PDE4B: variants seen among roughly 807,000 people sequenced by gnomAD.
PDE4B encodes the protein 3',5'-cyclic-AMP phosphodiesterase 4B.
In PDE4B, 20 loss-of-function variants were observed where a neutral mutation model predicts 82.2. The observed-to-expected ratio is 0.24, with a 90% confidence interval of 0.17 to 0.35. The LOEUF is 0.35. Ranked by LOEUF, PDE4B falls within the 10% of genes least tolerant of loss-of-function variation. The pLI, the probability that PDE4B is intolerant of heterozygous loss-of-function variation, is 1.00. For missense variants in PDE4B, 655 were observed against 907.2 expected (o/e 0.72, Z 3.57); for synonymous variants, 320 against 318.9 (o/e 1.00, Z -0.04).
chr1:66,150,512 G>A (rs954690071), intron 3 of PDE4B, among the ~76,000 whole-genome samples: 7 of 152,024 alleles, frequency 4.6e-5, no homozygotes, highest in African/African-American at 1.7e-4. Flanking sequence ...CCTTTCCAAC[G>A]ATAATGCCTT....
chr1:66,361,570 T>C (rs1401504746), intron 9 of PDE4B, 45 bp from the exon 10 acceptor site: 1 of 1,512,954 alleles, frequency 6.6e-7, no homozygotes, highest in African/African-American at 1.4e-5. Flanking sequence ...CAGTGGATTC[T>C]CATAGACACA....
At chr1:66,166,338 G>A (rs1215495925) in intron 3 of PDE4B, among the ~76,000 whole-genome samples, 1 of 152,142 alleles carries the variant, frequency 6.6e-6, no homozygotes, top group Admixed American at 6.5e-5. Context: ...TTAGTCAATG[G>A]TTTCTTAGCT....
intron 3 of PDE4B, among the ~76,000 whole-genome samples, chr1:66,105,104 A>G (rs181694001): frequency 4.6e-5 from 7 of 152,154 alleles, no homozygotes; most frequent in Admixed American, 4.6e-4. Context: ...TCCATCTTGA[A>G]TTAATTTTTG....
rs143814626 is a variant in PDE4B at position 66,109,339 on chromosome 1, A to C, written c.282-138121A>C. ...AAAGTTCATATTAATATTGTCAAGA[A>C]TTTTTTCATATAGAAGTAATTTTAT... On this transcript the variant is annotated intron_variant, in intron 3 of 16. Coordinates refer to ENST00000341517, the MANE Select transcript of PDE4B (RefSeq NM_002600.4). Among the ~76,000 whole-genome samples the C allele has an allele frequency of 7.2e-5, 11 of 152,000 alleles. No homozygotes were observed. In the East Asian group the frequency reaches 2.1e-3, roughly 29 times the overall value.
chr1:65,916,554 C>A (rs960403140), intron 2 of PDE4B, among the ~76,000 whole-genome samples: 8 of 152,086 alleles, frequency 5.3e-5, no homozygotes, highest in African/African-American at 1.9e-4. Flanking sequence ...ACTTTGCTTT[C>A]CAGATAACCA....
chr1:65,793,735 G>A (rs11208751), intron 1 of PDE4B, among the ~76,000 whole-genome samples: 27,372 of 152,164 alleles, frequency 0.18, 2,943 homozygotes, highest in East Asian at 0.44. Flanking sequence ...CTCAAGCCTC[G>A]GCATCACCAA....
intron 3 of PDE4B, among the ~76,000 whole-genome samples, chr1:66,192,131 A>G (rs1437003744): frequency 3.9e-5 from 6 of 152,202 alleles, no homozygotes; most frequent in South Asian, 2.1e-4. Flanking sequence ...CTTGGTAAGT[A>G]TTTACTAATA....
chr1:65,984,266 G>A (rs774505225), intron 3 of PDE4B, among the ~76,000 whole-genome samples: 12 of 152,224 alleles, frequency 7.9e-5, no homozygotes, highest in Non-Finnish European at 1.5e-4. Context: ...TATATGATAT[G>A]ATTGAAAAGA....
chr1:66,222,930 T>C (rs1337229793), intron 3 of PDE4B, among the ~76,000 whole-genome samples: 1 of 152,184 alleles, frequency 6.6e-6, no homozygotes, highest in African/African-American at 2.4e-5. Flanking sequence ...AAGAATAAAG[T>C]AAATGAATAA....
chr1:65,861,430 A>G (rs1162066142), intron 1 of PDE4B, among the ~76,000 whole-genome samples: 1 of 152,146 alleles, frequency 6.6e-6, no homozygotes, highest in Non-Finnish European at 1.5e-5. Flanking sequence ...TACCAGTACC[A>G]TGCTGTTTTG....
At chr1:66,076,722 G>A (rs1292339535) in intron 3 of PDE4B, among the ~76,000 whole-genome samples, 2 of 152,118 alleles carry the variant, frequency 1.3e-5, no homozygotes, top group Admixed American at 6.6e-5. Context: ...GTGTGAAATG[G>A]TATCTCATTG....
chr1:66,353,596 G>A (rs1662002650), intron 8 of PDE4B, among the ~76,000 whole-genome samples: 1 of 152,106 alleles, frequency 6.6e-6, no homozygotes, highest in South Asian at 2.1e-4. Flanking sequence ...GGGTAACAGA[G>A]GGGAAAGATG....
intron 1 of PDE4B, among the ~76,000 whole-genome samples, chr1:65,842,613 A>G (rs1646220319): frequency 6.6e-6 from 1 of 152,152 alleles, no homozygotes; most frequent in South Asian, 2.1e-4. Context: ...TTGTTATTCC[A>G]AGCTTAAGAT....
intron 3 of PDE4B, among the ~76,000 whole-genome samples, chr1:66,030,797 T>C (rs1653731882): frequency 6.6e-6 from 1 of 152,222 alleles, no homozygotes; most frequent in African/African-American, 2.4e-5. Context: ...AATGAAATCA[T>C]GTCCTCTGCA....
At chr1:66,366,086 A>G (rs1297124229) in intron 13 of PDE4B, among the ~76,000 whole-genome samples, 1 of 152,148 alleles carries the variant, frequency 6.6e-6, no homozygotes, top group Non-Finnish European at 1.5e-5. Context: ...ATCCCATGAT[A>G]ATGACTTTTT....
At chr1:65,912,611 C>T (rs906767083) in intron 1 of PDE4B, among the ~76,000 whole-genome samples, 32 of 152,238 alleles carry the variant, frequency 2.1e-4, no homozygotes, top group African/African-American at 5.1e-4. Flanking sequence ...CTCTAACTAC[C>T]GGTTGCTAGA....
At chr1:65,827,471 A>T (rs566099022) in intron 1 of PDE4B, among the ~76,000 whole-genome samples, 1 of 152,220 alleles carries the variant, frequency 6.6e-6, no homozygotes, top group East Asian at 1.9e-4. Context: ...AAATGCTATT[A>T]AAAAAACCCC....
chr1:66,130,583 A>G (rs1419868425), intron 3 of PDE4B, among the ~76,000 whole-genome samples: 1 of 152,198 alleles, frequency 6.6e-6, no homozygotes, highest in Admixed American at 6.5e-5. Context: ...ATGATTCTCT[A>G]TCAAGATATG....
intron 6 of PDE4B, among the ~76,000 whole-genome samples, chr1:66,259,590 C>T (rs1654524017): frequency 6.6e-6 from 1 of 152,074 alleles, no homozygotes; most frequent in Non-Finnish European, 1.5e-5. Flanking sequence ...GCTGAGTGGC[C>T]CTCATTTGGA....
Sources: gnomAD v4.1 joint callset for allele counts (sites outside exome capture counted in the v4.1 genomes callset) on GRCh38, gnomAD v4.1.1 for gene constraint, MANE v1.5 for transcripts, NCBI Gene and HGNC (gene_info 2026-07-23, HGNC 2026-07-21) for gene names.